Variants in TCF12 observed in about 807,000 individuals in gnomAD.
TCF12 encodes the protein DNA-binding protein HTF4.
A neutral mutation model predicts 86.0 loss-of-function variants in TCF12; 45 were observed. The observed-to-expected ratio is 0.52, with a 90% CI of 0.41 to 0.67. The LOEUF (loss-of-function observed/expected upper bound fraction) is 0.67. TCF12 is among the 30% of genes least tolerant of loss of function. The probability of loss-of-function intolerance (pLI) is 0.00; values close to 1 mark genes in which losing one functional copy is unlikely to be tolerated. For synonymous variants in TCF12, 330 were observed against 299.6 expected (o/e 1.10, Z -1.05); for missense variants, 881 against 859.9 (o/e 1.02, Z -0.31).
chr15:57,247,782 C>T (rs760135876), intron 13 of TCF12: 1 of 747,504 alleles, frequency 1.3e-6, no homozygotes, highest in Admixed American at 1.7e-5. Flanking sequence ...CTTGCTGCCT[C>T]CACCTCTTCA....
intron 8 of TCF12, among the ~76,000 whole-genome samples, chr15:57,210,324 C>CT (rs1335295318): frequency 9.9e-5 from 15 of 151,008 alleles, no homozygotes; most frequent in African/African-American, 3.7e-4. Flanking sequence ...ACTAGATAAT[C>CT]TAAATTATCT....
intron 3 of TCF12, among the ~76,000 whole-genome samples, chr15:57,034,490 T>C (rs1467217248): frequency 2.0e-5 from 3 of 152,208 alleles, no homozygotes; most frequent in Admixed American, 2.0e-4. Context: ...CATTTATGGT[T>C]TCATATGTTC....
At chr15:57,068,928 A>T (rs1243805321) in intron 4 of TCF12, among the ~76,000 whole-genome samples, 1 of 152,168 alleles carries the variant, frequency 6.6e-6, no homozygotes, top group Non-Finnish European at 1.5e-5. Context: ...ATAAGTGAGA[A>T]CTGCTATTAT....
intron 5 of TCF12, among the ~76,000 whole-genome samples, chr15:57,160,212 T>A (rs529125491): frequency 4.1e-4 from 62 of 152,344 alleles, no homozygotes; most frequent in African/African-American, 1.5e-3. Context: ...GAGGTTTAAT[T>A]GACTCACAGT....
intron 4 of TCF12, among the ~76,000 whole-genome samples, chr15:57,087,866 T>C (rs571782616): frequency 6.6e-6 from 1 of 152,196 alleles, no homozygotes; most frequent in Non-Finnish European, 1.5e-5. Flanking sequence ...ATTCTGATAG[T>C]ATTGCTCTGT....
chr15:57,053,228 G>T (rs1289413099), intron 3 of TCF12, among the ~76,000 whole-genome samples: 1 of 152,140 alleles, frequency 6.6e-6, no homozygotes, highest in Non-Finnish European at 1.5e-5. Flanking sequence ...ATGATGCCGA[G>T]CAGCTTTTCA....
chr15:57,177,345 C>G (rs1448651980), intron 6 of TCF12, among the ~76,000 whole-genome samples: 4 of 149,460 alleles, frequency 2.7e-5, no homozygotes, highest in African/African-American at 9.8e-5. Context: ...TCTTGGCTCC[C>G]TGCAACCTCT....
chr15:57,025,438 G>A (rs1246932750), intron 3 of TCF12, among the ~76,000 whole-genome samples: 8 of 151,956 alleles, frequency 5.3e-5, no homozygotes, highest in African/African-American at 1.7e-4. Flanking sequence ...TCCTGCTTGC[G>A]TTTTCACATT....
At chr15:57,190,923 A>G (rs114725693) in intron 6 of TCF12, among the ~76,000 whole-genome samples, 224 of 152,346 alleles carry the variant, frequency 1.5e-3, no homozygotes, top group Middle Eastern at 0.01. Flanking sequence ...AAGTATAACA[A>G]GATGAATTTT....
At chr15:57,240,170 A>T (rs1469179483) in intron 12 of TCF12, among the ~76,000 whole-genome samples, 4 of 152,222 alleles carry the variant, frequency 2.6e-5, no homozygotes, top group Non-Finnish European at 4.4e-5. Context: ...ATTCTTAATG[A>T]CAACTGTATA....
chr15:57,108,032 G>A (rs1218032145), intron 5 of TCF12, among the ~76,000 whole-genome samples: 2 of 152,198 alleles, frequency 1.3e-5, no homozygotes, highest in African/African-American at 4.8e-5. Flanking sequence ...TAGCAAGTGA[G>A]AAGAACTTTT....
chr15:57,075,934 G>T (rs984906250), intron 4 of TCF12, among the ~76,000 whole-genome samples: 41 of 149,396 alleles, frequency 2.7e-4, no homozygotes, highest in Admixed American at 2.7e-3. Flanking sequence ...CACGATCGTG[G>T]CCTATTGCAG....
At chr15:56,947,808 C>T (rs571965433) in intron 3 of TCF12, among the ~76,000 whole-genome samples, 2 of 152,148 alleles carry the variant, frequency 1.3e-5, no homozygotes, top group Non-Finnish European at 2.9e-5. Context: ...GAAGCCATGA[C>T]AGCCACATAT....
chr15:57,136,802 A>G (rs1220548741), intron 5 of TCF12, among the ~76,000 whole-genome samples: 2 of 151,670 alleles, frequency 1.3e-5, no homozygotes, highest in African/African-American at 4.9e-5. Flanking sequence ...AAGCCTCCTG[A>G]GTAGCTGGGA....
intron 3 of TCF12, among the ~76,000 whole-genome samples, chr15:57,007,632 T>C (rs985944763): frequency 1.4e-4 from 8 of 58,012 alleles, no homozygotes; most frequent in African/African-American, 3.5e-4. Context: ...CCTAAGGTCT[T>C]TTCCAGCTTT....
chr15:57,199,256 T>A (rs2057417981), intron 8 of TCF12, among the ~76,000 whole-genome samples: 1 of 152,186 alleles, frequency 6.6e-6, no homozygotes, highest in Non-Finnish European at 1.5e-5. Context: ...AACAGTTGTG[T>A]GCTATGCAGG....
At chr15:57,031,151 G>T (rs999239426) in intron 3 of TCF12, among the ~76,000 whole-genome samples, 1 of 152,164 alleles carries the variant, frequency 6.6e-6, no homozygotes, top group African/African-American at 2.4e-5. Context: ...GAAATCAGAT[G>T]CTGCTCTCTC....
At chr15:57,151,441 A>C (rs574684328) in intron 5 of TCF12, among the ~76,000 whole-genome samples, 1 of 152,272 alleles carries the variant, frequency 6.6e-6, no homozygotes, top group African/African-American at 2.4e-5. Context: ...GAGGACCTCC[A>C]GCTTCTATCT....
At position 57,231,265 on chromosome 15, in the gene TCF12, C is replaced by T. The variant is rs1481035948; in HGVS notation, c.685+8C>T. ...GCACTTTCTTTATGCAAGGTAAGTA[C>T]TACCAAACAATTGCCAAATACTACT... On this transcript the variant is annotated splice_region_variant and intron_variant, in intron 9 of 20. Coordinates refer to ENST00000333725, the MANE Select transcript of TCF12 (RefSeq NM_207037.2). The T allele has an allele frequency of 1.3e-6, 2 of 1,588,684 alleles. No individual in the cohort carries two copies. The highest frequency in any genetic ancestry group is 1.7e-6 in the Non-Finnish European group (2 of 1,157,252).
Sources: gnomAD v4.1 joint callset for allele counts (sites outside exome capture counted in the v4.1 genomes callset) on GRCh38, gnomAD v4.1.1 for gene constraint, MANE v1.5 for transcripts, NCBI Gene and HGNC (gene_info 2026-07-23, HGNC 2026-07-21) for gene names.